SPTBN5: variants seen among roughly 807,000 people sequenced by gnomAD.
The protein encoded by SPTBN5 is spectrin beta chain, non-erythrocytic 5.
A neutral mutation model predicts 477.6 loss-of-function variants in SPTBN5; 513 were observed. The observed-to-expected ratio is 1.07, with a 90% CI of 1.00 to 1.16. SPTBN5 has a LOEUF of 1.16. Ranked by LOEUF, SPTBN5 falls within the 50% of genes most tolerant of loss-of-function variation. The probability of loss-of-function intolerance (pLI) is 0.00; values close to 1 mark genes in which losing one functional copy is unlikely to be tolerated. For synonymous variants in SPTBN5, 2,169 were observed against 2,011.7 expected (o/e 1.08, Z -2.09); for missense variants, 5,062 against 4,731.8 (o/e 1.07, Z -2.05).
chr15:41,874,146 G>T, intron 24 of SPTBN5, 101 bp from the exon 25 acceptor site: 1 of 1,507,284 alleles, frequency 6.6e-7, no homozygotes, highest in South Asian at 1.2e-5. Flanking sequence ...AAGACCCCCA[G>T]GGTCAAAATA....
At chr15:41,893,615 G>T (rs534772792) in intron 1 of SPTBN5, 69 bp from the exon 2 acceptor site, 15 of 1,449,742 alleles carry the variant, frequency 1.0e-5, no homozygotes, top group Non-Finnish European at 1.4e-5. Flanking sequence ...CTGGGGTCCC[G>T]CCTTGCCAGA....
intron 47 of SPTBN5, 147 bp downstream of exon 47, chr15:41,860,439 G>T (rs897567664): frequency 2.4e-6 from 2 of 828,512 alleles, no homozygotes; most frequent in Admixed American, 4.2e-5. Flanking sequence ...GCCAGGGGTG[G>T]TGGGGACCCC....
chr15:41,865,683 G>A (rs1315996001), intron 39 of SPTBN5, 125 bp downstream of exon 39: 28 of 845,194 alleles, frequency 3.3e-5, no homozygotes, highest in Middle Eastern at 7.2e-4. Flanking sequence ...GAGCCTGCCC[G>A]AGGGCATAGG....
chr15:41,862,415 G>A (rs2066143069), intron 43 of SPTBN5, 123 bp from the exon 44 acceptor site: 1 of 1,518,396 alleles, frequency 6.6e-7, no homozygotes, highest in Non-Finnish European at 8.8e-7. Context: ...GAGTTACTGG[G>A]AGGACAGTAC....
chr15:41,866,069 A>G lies in SPTBN5; in HGVS notation c.6791T>C (p.Val2264Ala). ...RRNFLEFLQRVDLAEAWIQEK... is the reference protein window; with the variant it reads ...RRNFLEFLQRADLAEAWIQEK... ...CTGGATCCAGGCCTCTGCAAGGTCC[A>G]CTCTCTGCAGGAACTCCAGGAAGTT... The change falls in exon 38 of 68, where the codon GTG (valine) becomes GCG (alanine). Residue 2264 changes from valine to alanine, a missense_variant. Val to Ala is a moderately conservative substitution (Grantham distance 64, BLOSUM62 0). Transcript: ENST00000320955. 6.4e-7 allele frequency: 1 copy of G among 1,555,984 alleles called. No individual in the cohort carries two copies. The highest frequency in any genetic ancestry group is 8.7e-7 in the Non-Finnish European group (1 of 1,150,288).
chr15:41,892,709 G>A (rs2067349116), intron 3 of SPTBN5, 185 bp downstream of exon 3: 1 of 624,568 alleles, frequency 1.6e-6, no homozygotes. Flanking sequence ...TGCTCTCCAA[G>A]TCAGGGGTGC....
chr15:41,882,668 G>T lies in SPTBN5; in HGVS notation c.1963C>A (p.Leu655Met). 6.2e-7 allele frequency: 1 copy of T among 1,608,666 alleles called. No homozygotes were observed. Among genetic ancestry groups the T allele is most frequent in the Non-Finnish European group, 8.5e-7 (1 of 1,178,016 alleles). Residue 655 changes from leucine (L) to methionine (M), a missense_variant, in exon 10 of 68, where the codon CTG (leucine) becomes ATG (methionine). Leu to Met is a conservative substitution (Grantham distance 15). Transcript: ENST00000320955. The part of the protein sequence containing the change: ...LRNCEEEEAW[L>M]KECGQRVGNA... ...CCCACCCGCTGTCCGCACTCCTTCA[G>T]CCAGGCTTCCTCCTCCTCACAGTTG...
chr15:41,884,268 G>A (rs977527128), intron 7 of SPTBN5, among the ~76,000 whole-genome samples: 3 of 152,208 alleles, frequency 2.0e-5, no homozygotes, highest in Admixed American at 2.0e-4. Flanking sequence ...TTACAGGCAT[G>A]AGCCACTGCG....
chr15:41,856,385 C>T lies in SPTBN5; in HGVS notation c.9021+1G>A. On this transcript the variant is annotated splice_donor_variant, in intron 53 of 67. Transcript: ENST00000320955. LOFTEE classifies it high-confidence loss of function. ...TGTGCCCTGCCCATCACTCCCCTCA[C>T]CTCAGTCAGAAACTGCTGGGCCTCC... The T allele has an allele frequency of 4.5e-6, 7 of 1,570,314 alleles. No homozygotes were observed. The highest frequency in any genetic ancestry group is 5.2e-6 in the Non-Finnish European group (6 of 1,155,384).
At position 41,869,840 on chromosome 15, in the gene SPTBN5, C is replaced by T. The variant is rs1335145721; in HGVS notation, c.5853+1G>A. ...ACCACCCAAAGGGCAGGAGCCCTCA[C>T]CGCCGTGCGGAAGCGGGCCAGGAGG... On this transcript the variant is annotated splice_donor_variant, in intron 32 of 67. Coordinates refer to ENST00000320955, the MANE Select transcript of SPTBN5 (RefSeq NM_016642.4). LOFTEE classifies it high-confidence loss of function. 6.4e-7 allele frequency: 1 copy of T among 1,555,592 alleles called. No individual in the cohort carries two copies. The highest frequency in any genetic ancestry group is 8.6e-7 in the Non-Finnish European group (1 of 1,161,476).
intron 7 of SPTBN5, among the ~76,000 whole-genome samples, chr15:41,883,864 C>T (rs2067061583): frequency 6.6e-6 from 1 of 152,184 alleles, no homozygotes; most frequent in African/African-American, 2.4e-5. Context: ...AATCTTGGCT[C>T]ACTGCAACCT....
At chr15:41,882,873 C>A in intron 9 of SPTBN5, 123 bp downstream of exon 9, 2 of 1,370,384 alleles carry the variant, frequency 1.5e-6, no homozygotes, top group South Asian at 1.4e-5. Flanking sequence ...GAGACGGAGG[C>A]TTTGGAAGTG....
rs1272098600 is a variant in SPTBN5, at chr15:41,858,673, G to A, written c.8155C>T (p.Gln2719Ter). 2 of 1,611,100 alleles carry A rather than the reference G, an allele frequency of 1.2e-6. No individual in the cohort carries two copies. The highest frequency in any genetic ancestry group is 1.7e-6 in the Non-Finnish European group (2 of 1,179,306). The change falls in exon 49 of 68, where the codon CAG becomes TAG. Residue 2719 changes from glutamine to a stop codon, truncating the protein, a stop_gained. Coordinates refer to ENST00000320955, the MANE Select transcript of SPTBN5 (RefSeq NM_016642.4). LOFTEE classifies it high-confidence loss of function. Reference sequence around the variant, plus strand: ...TGGAAATTCTGCTGCTTCTGTAACTGTGCTGGCAGCATGGCTGTGTCCAGC... The same window carrying A: ...TGGAAATTCTGCTGCTTCTGTAACTATGCTGGCAGCATGGCTGTGTCCAGC... Reference protein sequence around the residue: ...GLLDTAMLPAQLQKQQNFQAE... With the variant: ...GLLDTAMLPA
Position 41,861,901 on chromosome 15 carries a change from T to C in SPTBN5, c.7571A>G (p.Asp2524Gly). The C allele has an allele frequency of 6.2e-7, 1 of 1,606,456 alleles. No individual in the cohort carries two copies. The highest frequency in any genetic ancestry group is 8.5e-7 in the Non-Finnish European group (1 of 1,178,962). ...AGTGCTTCGGGCCAGGCTGATGCTG[T>C]CTGTCCAGGAGTCCAGCTCGGCCTG... Reference protein sequence around the residue: ...ECKAELDSWTDSISLARSTGQ... With the variant: ...ECKAELDSWTGSISLARSTGQ... Residue 2524 changes from aspartate to glycine, a missense_variant, in exon 45 of 68, where the codon GAC becomes GGC. Transcript: ENST00000320955.
In SPTBN5 at chr15:41,850,857, C is replaced by G. The variant is rs942077228; in HGVS notation, c.10918G>C (p.Ala3640Pro). The change falls in exon 66 of 68, where the codon GCA becomes CCA. Residue 3640 changes from alanine to proline, a missense_variant. Physicochemically the swap from Ala to Pro is conservative, Grantham distance 27 (BLOSUM62 -1). Coordinates refer to ENST00000320955, the MANE Select transcript of SPTBN5 (RefSeq NM_016642.4). ...GCATCCTTCCCCTGAAGCCCACCTGCAGTGCTGCCCAGGGCTCGCCACCAG... is the reference window on the plus strand; with the variant it reads ...GCATCCTTCCCCTGAAGCCCACCTGGAGTGCTGCCCAGGGCTCGCCACCAG... ...ESWWRALGSTAAQSLSPKLKA... is the reference protein window; with the variant it reads ...ESWWRALGSTPAQSLSPKLKA... The G allele has an allele frequency of 6.3e-7, 1 of 1,594,670 alleles. No individual in the cohort carries two copies. The highest frequency in any genetic ancestry group is 1.3e-5 in the African/African-American group (1 of 74,352).
intron 53 of SPTBN5, 93 bp from the exon 54 acceptor site, chr15:41,855,838 A>G: frequency 7.5e-7 from 1 of 1,333,142 alleles, no homozygotes; most frequent in Non-Finnish European, 1.0e-6. Context: ...GCACAGGGGA[A>G]TCACCTGGGA....
At position 41,882,382 on chromosome 15, in the gene SPTBN5, T is replaced by C. The variant is rs932254974; in HGVS notation, c.2134A>G (p.Thr712Ala). The C allele has an allele frequency of 5.3e-5, 82 of 1,537,342 alleles. No homozygotes were observed. The highest frequency in any genetic ancestry group is 9.8e-5 in the East Asian group (4 of 40,996). ...GCCCGTTCCCCGGGATCCGGCTGCG[T>C]TGGGGGCCTGCGGGCGCTGAGGTCG... ...GRDLSARRPP[T>A]QPDPGERAEA... Residue 712 changes from threonine to alanine, a missense_variant, in exon 11 of 68, where the codon ACG becomes GCG. Thr to Ala is a moderately conservative substitution (Grantham distance 58, BLOSUM62 0). Transcript: ENST00000320955.
In SPTBN5 at chr15:41,860,589, A is replaced by G. The variant is rs1476213488; in HGVS notation, c.7985T>C (p.Leu2662Pro). ...SALGRCQAMLLRKEALFRQAG... is the reference protein window; with the variant it reads ...SALGRCQAMLPRKEALFRQAG... ...CTCACCCCAGAGCCACCACTACCTC[A>G]GAAGCATGGCCTGGCACCTGCCCAG... Residue 2662 changes from leucine to proline, a missense_variant, in exon 47 of 68, where the codon CTG becomes CCG. Transcript: ENST00000320955. The G allele has an allele frequency of 2.6e-5, 37 of 1,443,622 alleles. No individual in the cohort carries two copies. Among genetic ancestry groups the G allele is most frequent in the Non-Finnish European group, 3.1e-5 (34 of 1,093,202 alleles). 89.4% of individuals were successfully genotyped at this position (1,443,622 alleles called of 1,614,324 possible). A position where few individuals can be genotyped will look rare whatever the true frequency, so the allele number is the denominator to read the frequency against.
chr15:41,850,518 C>T, intron 66 of SPTBN5: 1 of 325,372 alleles, frequency 3.1e-6, no homozygotes, highest in Non-Finnish European at 5.7e-6. Flanking sequence ...AGAACAGAGC[C>T]TGGAAAGCCC....
Sources: gnomAD v4.1 joint callset for allele counts (sites outside exome capture counted in the v4.1 genomes callset) on GRCh38, gnomAD v4.1.1 for gene constraint, MANE v1.5 for transcripts, NCBI Gene and HGNC (gene_info 2026-07-23, HGNC 2026-07-21) for gene names.